Variants in HS3ST1 observed in about 807,000 individuals in gnomAD.
HS3ST1 encodes the protein heparan sulfate-glucosamine 3-sulfotransferase 1.
In HS3ST1, 8 loss-of-function variants were observed where a neutral mutation model predicts 20.7. The observed-to-expected ratio is 0.39, with a 90% CI of 0.23 to 0.70. HS3ST1 has a LOEUF of 0.70. Ranked by LOEUF, HS3ST1 falls within the 30% of genes least tolerant of loss-of-function variation. HS3ST1 has a pLI of 0.46. For synonymous variants in HS3ST1, 205 were observed against 190.4 expected (o/e 1.08, Z -0.63); for missense variants, 436 against 423.4 (o/e 1.03, Z -0.26).
intron 1 of HS3ST1, among the ~76,000 whole-genome samples, chr4:11,417,646 T>C (rs1238688693): frequency 6.6e-6 from 1 of 152,208 alleles, no homozygotes; most frequent in East Asian, 1.9e-4. Context: ...ATTATGGGAC[T>C]GGGCAATAAC....
upstream of HS3ST1, chr4:11,429,557 GC>G (rs1485498233): frequency 6.7e-6 from 1 of 149,574 alleles, no homozygotes; most frequent in Non-Finnish European, 1.5e-5. Flanking sequence ...TTCAAAGAGC[GC>G]CCTGTCGCCA....
At chr4:11,421,411 G>A (rs1164898179) in intron 1 of HS3ST1, among the ~76,000 whole-genome samples, 2 of 152,190 alleles carry the variant, frequency 1.3e-5, no homozygotes, top group Admixed American at 1.3e-4. Flanking sequence ...CAAGTAAAGT[G>A]CAAGCCAGTT....
At chr4:11,433,336 A>G (rs1441283460), upstream of HS3ST1, among the ~76,000 whole-genome samples, 2 of 152,216 alleles carry the variant, frequency 1.3e-5, no homozygotes, top group Non-Finnish European at 2.9e-5. Flanking sequence ...TATGCACAGT[A>G]AATACAATTT....
chr4:11,411,465 G>A (rs535277778), intron 1 of HS3ST1, among the ~76,000 whole-genome samples: 9 of 152,152 alleles, frequency 5.9e-5, no homozygotes, highest in Admixed American at 3.3e-4. Flanking sequence ...GGTTCTACAA[G>A]TAAATTAGTA....
At chr4:11,411,358 C>G (rs1718629564) in intron 1 of HS3ST1, among the ~76,000 whole-genome samples, 1 of 152,218 alleles carries the variant, frequency 6.6e-6, no homozygotes, top group Non-Finnish European at 1.5e-5. Context: ...CTCTGGCCCA[C>G]ATACATATAC....
chr4:11,431,714 A>G (rs544926348), upstream of HS3ST1, among the ~76,000 whole-genome samples: 6 of 152,316 alleles, frequency 3.9e-5, no homozygotes, highest in African/African-American at 7.2e-5. Context: ...AAATAGAAAC[A>G]AAAGCAACTG....
chr4:11,410,784 C>T (rs1718605299), intron 1 of HS3ST1, among the ~76,000 whole-genome samples: 1 of 152,086 alleles, frequency 6.6e-6, no homozygotes, highest in Non-Finnish European at 1.5e-5. Context: ...CCCAGCTACT[C>T]AGGAGGCTGA....
chr4:11,420,961 A>G (rs576830595), intron 1 of HS3ST1, among the ~76,000 whole-genome samples: 35 of 152,336 alleles, frequency 2.3e-4, no homozygotes, highest in African/African-American at 7.9e-4. Context: ...AAAATACAGG[A>G]TGTCCAGTTA....
upstream of HS3ST1, among the ~76,000 whole-genome samples, chr4:11,432,065 A>C (rs549930169): frequency 6.6e-6 from 1 of 152,208 alleles, no homozygotes; most frequent in African/African-American, 2.4e-5. Context: ...CTCCTAGTCT[A>C]GTGCTCTATG....
At position 11,399,158 on chromosome 4, in the gene HS3ST1, T is replaced by C; in HGVS notation, c.848A>G (p.Asn283Ser). The C allele has an allele frequency of 1.2e-6, 2 of 1,614,170 alleles. No individual in the cohort carries two copies. The highest frequency in any genetic ancestry group is 1.7e-6 in the Non-Finnish European group (2 of 1,180,028). ...CTCATGAAAATATTCGTGCAGTTTATTGAGTAGTTTGGGATCGACTTGGGG... is the reference window on the plus strand; with the variant it reads ...CTCATGAAAATATTCGTGCAGTTTACTGAGTAGTTTGGGATCGACTTGGGG... ...AHPQVDPKLL[N>S]KLHEYFHEPN... The change falls in exon 2 of 2, where the codon AAT becomes AGT. Residue 283 changes from asparagine (N) to serine (S), a missense_variant. Transcript: ENST00000002596. This position sits in a 1 kb window ranked among gnomAD's most constrained non-coding sequence, Gnocchi z 5.1.
intron 1 of HS3ST1, chr4:11,413,945 C>A (rs981023571): frequency 2.6e-5 from 4 of 152,006 alleles, no homozygotes; most frequent in African/African-American, 9.7e-5. Flanking sequence ...GCATTCCTTC[C>A]TCTAAATCAT....
upstream of HS3ST1, among the ~76,000 whole-genome samples, chr4:11,431,723 T>G (rs188995445): frequency 5.9e-5 from 9 of 152,298 alleles, no homozygotes; most frequent in Admixed American, 2.0e-4. Context: ...CAAAAGCAAC[T>G]GACCTATGAG....
In HS3ST1 at chr4:11,398,310, C is replaced by T. The variant is rs1207884501; in HGVS notation, c.*772G>A. The T allele has an allele frequency of 1.3e-5, 2 of 152,208 alleles. No individual in the cohort carries two copies. Among genetic ancestry groups the T allele is most frequent in the African/African-American group, 2.4e-5 (1 of 41,440 alleles). The allele number at this position is 152,208 out of a possible 1,614,324, so 9.4% of individuals were successfully genotyped here. On this transcript the variant is annotated 3_prime_UTR_variant, in exon 2 of 2. Transcript: ENST00000002596. ...AGTTTCTCTTTTCTATTCTAATTGG[C>T]TTTCTGGAGGCCAGCTGCCACCTGG...
intron 1 of HS3ST1, among the ~76,000 whole-genome samples, chr4:11,419,271 G>C (rs1317599946): frequency 6.6e-6 from 1 of 151,472 alleles, no homozygotes; most frequent in East Asian, 1.9e-4. Context: ...CATCTCATTG[G>C]TTGGCCTAGA....
chr4:11,424,393 A>T (rs1448451524), intron 1 of HS3ST1, among the ~76,000 whole-genome samples: 2 of 152,234 alleles, frequency 1.3e-5, no homozygotes, highest in Non-Finnish European at 2.9e-5. Context: ...TATTCTAACG[A>T]TCTGAAAAAG....
upstream of HS3ST1, among the ~76,000 whole-genome samples, chr4:11,433,551 A>G (rs1004624136): frequency 6.6e-6 from 1 of 152,134 alleles, no homozygotes; most frequent in East Asian, 1.9e-4. Flanking sequence ...GGCGATGGAA[A>G]ATTGTGGCAC....
intron 1 of HS3ST1, among the ~76,000 whole-genome samples, chr4:11,424,409 G>A (rs1377883824): frequency 6.6e-6 from 1 of 152,168 alleles, no homozygotes; most frequent in Non-Finnish European, 1.5e-5. Flanking sequence ...AAAAGCTACA[G>A]ACTTCATTCC....
chr4:11,430,707 C>G (rs1447388931), upstream of HS3ST1, among the ~76,000 whole-genome samples: 1 of 152,152 alleles, frequency 6.6e-6, no homozygotes. Context: ...CACTTAGTTC[C>G]CTACCACAAG....
chr4:11,402,294 A>G (rs1018885154), intron 1 of HS3ST1, among the ~76,000 whole-genome samples: 1 of 152,246 alleles, frequency 6.6e-6, no homozygotes, highest in Non-Finnish European at 1.5e-5. Context: ...CTGAGAGATC[A>G]GTGATGTAAC....
Sources: allele counts gnomAD v4.1 joint callset (sites outside exome capture counted in the v4.1 genomes callset), GRCh38; gene constraint gnomAD v4.1.1; non-coding constraint Gnocchi (gnomAD v3.1); transcripts MANE v1.5; gene names NCBI Gene and HGNC (gene_info 2026-07-23, HGNC 2026-07-21).